Variants in ROBO2 observed in about 807,000 individuals in gnomAD.
The protein encoded by ROBO2 is roundabout homolog 2.
In ROBO2, 53 loss-of-function variants were observed where a neutral mutation model predicts 160.8. The observed-to-expected ratio is 0.33, with a 90% CI of 0.26 to 0.41. The LOEUF (loss-of-function observed/expected upper bound fraction) is 0.41. Among genes scored for constraint, ROBO2 ranks in the 10% least tolerant of loss-of-function variants. The probability of loss-of-function intolerance (pLI) is 1.00; values close to 1 mark genes in which losing one functional copy is unlikely to be tolerated. For missense variants in ROBO2, 1,577 were observed against 1,722.4 expected (o/e 0.92, Z 1.49); for synonymous variants, 664 against 611.7 (o/e 1.09, Z -1.26).
intron 2 of ROBO2, among the ~76,000 whole-genome samples, chr3:76,744,660 C>T (rs2093855702): frequency 6.6e-6 from 1 of 152,066 alleles, no homozygotes; most frequent in Admixed American, 6.6e-5. Flanking sequence ...CCACGCCTGG[C>T]AAGAATTGAC....
chr3:77,192,201 ATAT>A (rs987610026), intron 2 of ROBO2, among the ~76,000 whole-genome samples: 1 of 152,188 alleles, frequency 6.6e-6, no homozygotes, highest in Non-Finnish European at 1.5e-5. Context: ...ATTCTCAATG[ATAT>A]TATTCTATCT....
chr3:76,479,363 TC>T (rs1398401780), intron 2 of ROBO2, among the ~76,000 whole-genome samples: 1 of 152,176 alleles, frequency 6.6e-6, no homozygotes. Flanking sequence ...AACTTCAAGT[TC>T]CCTCTGAAAG....
chr3:76,070,764 T>G (rs1195753605), intron 2 of ROBO2, among the ~76,000 whole-genome samples: 2 of 152,072 alleles, frequency 1.3e-5, no homozygotes, highest in East Asian at 3.9e-4. Context: ...TTAAAATTTC[T>G]CTCTTTCATA....
At chr3:77,442,063 A>G (rs1186916341) in intron 2 of ROBO2, among the ~76,000 whole-genome samples, 1 of 152,192 alleles carries the variant, frequency 6.6e-6, no homozygotes. Context: ...CTATAATCCC[A>G]GCACTTTGGG....
intron 2 of ROBO2, among the ~76,000 whole-genome samples, chr3:76,977,212 AT>A (rs1334963036): frequency 1.3e-5 from 2 of 152,212 alleles, no homozygotes; most frequent in African/African-American, 4.8e-5. Flanking sequence ...TATAAACATT[AT>A]GTTTCCTCAC....
At chr3:76,898,861 T>C (rs1416894429) in intron 2 of ROBO2, among the ~76,000 whole-genome samples, 1 of 152,160 alleles carries the variant, frequency 6.6e-6, no homozygotes, top group African/African-American at 2.4e-5. Context: ...ATATGCAGCA[T>C]AGAAAGAAAA....
chr3:76,498,411 T>G (rs568945862), intron 2 of ROBO2, among the ~76,000 whole-genome samples: 1 of 152,092 alleles, frequency 6.6e-6, no homozygotes, highest in Non-Finnish European at 1.5e-5. Flanking sequence ...TCAATAACAG[T>G]ATATTGTATT....
At chr3:76,232,715 T>A (rs1704694376) in intron 2 of ROBO2, among the ~76,000 whole-genome samples, 1 of 152,208 alleles carries the variant, frequency 6.6e-6, no homozygotes, top group Non-Finnish European at 1.5e-5. Context: ...CTTATACATT[T>A]CATGATCACA....
intron 2 of ROBO2, among the ~76,000 whole-genome samples, chr3:77,328,623 T>C (rs529606401): frequency 6.6e-6 from 1 of 152,182 alleles, no homozygotes; most frequent in African/African-American, 2.4e-5. Flanking sequence ...TGGCATATGT[T>C]AAAAATGTAA....
intron 2 of ROBO2, among the ~76,000 whole-genome samples, chr3:76,505,520 C>G (rs1201076136): frequency 1.3e-5 from 2 of 152,136 alleles, no homozygotes; most frequent in Non-Finnish European, 2.9e-5. Context: ...TGAGGTCATA[C>G]TGCGGTAGGG....
At chr3:76,384,370 C>T (rs1177346392) in intron 2 of ROBO2, among the ~76,000 whole-genome samples, 2 of 152,090 alleles carry the variant, frequency 1.3e-5, no homozygotes, top group Non-Finnish European at 2.9e-5. Context: ...GCCATCTAGA[C>T]CATTTTAGCC....
intron 2 of ROBO2, among the ~76,000 whole-genome samples, chr3:76,933,861 CTATCATTT>C (rs2077510035): frequency 6.6e-6 from 1 of 152,154 alleles, no homozygotes; most frequent in South Asian, 2.1e-4. Context: ...CAGACATCAG[CTATCATTT>C]GTGTCTCTAT....
At chr3:76,762,547 A>G (rs1225998423) in intron 2 of ROBO2, among the ~76,000 whole-genome samples, 1 of 151,448 alleles carries the variant, frequency 6.6e-6, no homozygotes, top group Non-Finnish European at 1.5e-5. Context: ...ACTGCAAACA[A>G]CCATCTTTTG....
chr3:77,237,794 T>C (rs2088302685), intron 2 of ROBO2, among the ~76,000 whole-genome samples: 1 of 152,140 alleles, frequency 6.6e-6, no homozygotes, highest in Non-Finnish European at 1.5e-5. Context: ...AAAGTATGTT[T>C]AGTTTTGAAA....
chr3:77,509,189 G>A (rs1387991000), intron 5 of ROBO2, among the ~76,000 whole-genome samples: 1 of 152,048 alleles, frequency 6.6e-6, no homozygotes, highest in East Asian at 1.9e-4. Flanking sequence ...CCATCTCTGA[G>A]CTGATGAAGG....
At chr3:76,423,486 A>C (rs773909189) in intron 2 of ROBO2, among the ~76,000 whole-genome samples, 11 of 152,180 alleles carry the variant, frequency 7.2e-5, no homozygotes, top group Admixed American at 4.6e-4. Flanking sequence ...AGATGGATAG[A>C]AAAGAGGTAG....
intron 2 of ROBO2, among the ~76,000 whole-genome samples, chr3:76,155,266 A>C (rs762981150): frequency 3.3e-5 from 5 of 152,158 alleles, no homozygotes; most frequent in African/African-American, 4.8e-5. Flanking sequence ...CTACTGATGA[A>C]AGAACACAAC....
exon 26 of ROBO2, chr3:77,647,647 A>G (rs2095421424): frequency 6.6e-6 from 1 of 152,160 alleles, no homozygotes; most frequent in Admixed American, 6.6e-5. Context: ...CAAGTAGAAG[A>G]GGACCTTCCT....
At chr3:77,371,123 A>G (rs964708864) in intron 2 of ROBO2, among the ~76,000 whole-genome samples, 1 of 152,194 alleles carries the variant, frequency 6.6e-6, no homozygotes, top group East Asian at 1.9e-4. Context: ...TCAAGAATCA[A>G]ACTTCTAAAT....
Sources: allele counts gnomAD v4.1 joint callset (sites outside exome capture counted in the v4.1 genomes callset), GRCh38; gene constraint gnomAD v4.1.1; transcripts MANE v1.5; gene names NCBI Gene and HGNC (gene_info 2026-07-23, HGNC 2026-07-21).